Variants in ISM1 observed in about 807,000 individuals in gnomAD.
ISM1 encodes isthmin-1.
A neutral mutation model predicts 46.3 loss-of-function variants in ISM1; 25 were observed. That is an observed-to-expected ratio of 0.54 (90% CI 0.39 to 0.75). The LOEUF (loss-of-function observed/expected upper bound fraction) is 0.75. Among genes scored for constraint, ISM1 ranks in the 30% least tolerant of loss-of-function variants. The probability of loss-of-function intolerance (pLI) is 0.00; values close to 1 mark genes in which losing one functional copy is unlikely to be tolerated. For synonymous variants in ISM1, 255 were observed against 256.7 expected (o/e 0.99, Z 0.06); for missense variants, 536 against 625.4 (o/e 0.86, Z 1.52).
Position 13,298,982 on chromosome 20 carries a change from G to A in ISM1, c.918G>A (p.Glu306=). ...AGCGCTGGATGAGCTGCAAAAGCGAGTTCTTAAAGAAGTACATGCACAAGG... is the reference window on the plus strand; with the variant it reads ...AGCGCTGGATGAGCTGCAAAAGCGAATTCTTAAAGAAGTACATGCACAAGG... ...SCERWMSCKS[E]FLKKYMHKVM... The change falls in exon 6 of 6, where the codon GAG becomes GAA. Residue 306 remains glutamate (E), a synonymous_variant. Transcript: ENST00000262487. 6.2e-7 allele frequency: 1 copy of A among 1,613,608 alleles called. No homozygotes were observed. Among genetic ancestry groups the A allele is most frequent in the Non-Finnish European group, 8.5e-7 (1 of 1,179,770 alleles).
At chr20:13,241,092 T>C (rs970212313) in intron 1 of ISM1, among the ~76,000 whole-genome samples, 1 of 152,092 alleles carries the variant, frequency 6.6e-6, no homozygotes, top group African/African-American at 2.4e-5. Context: ...TATCGAATGC[T>C]GCTGTGAGAA....
chr20:13,239,637 C>G (rs955158691), intron 1 of ISM1: 1 of 152,166 alleles, frequency 6.6e-6, no homozygotes, highest in African/African-American at 2.4e-5. Flanking sequence ...CAGGTTGGAC[C>G]GGGGCTTCAT....
intron 4 of ISM1, 150 bp downstream of exon 4, chr20:13,288,833 G>A (rs2040322306): frequency 2.7e-6 from 2 of 745,128 alleles, no homozygotes; most frequent in South Asian, 1.9e-5. Flanking sequence ...CGCCCAGGCT[G>A]GAGTGCAGTG....
chr20:13,303,650 T>C (rs2040476981), downstream of ISM1, among the ~76,000 whole-genome samples: 1 of 152,226 alleles, frequency 6.6e-6, no homozygotes, highest in Non-Finnish European at 1.5e-5. Flanking sequence ...CAATCCTGAC[T>C]CTCTCACTTG....
At chr20:13,227,396 G>C (rs1341095036) in intron 1 of ISM1, among the ~76,000 whole-genome samples, 2 of 151,522 alleles carry the variant, frequency 1.3e-5, no homozygotes, top group East Asian at 3.9e-4. Flanking sequence ...GTGGAGACAG[G>C]GTTTCACCGT....
chr20:13,271,067 T>C (rs1297770217), intron 2 of ISM1, among the ~76,000 whole-genome samples: 1 of 152,084 alleles, frequency 6.6e-6, no homozygotes, highest in African/African-American at 2.4e-5. Context: ...TAGTCTGAAA[T>C]ATAAAAACAA....
At chr20:13,279,186 G>A (rs912570577) in intron 2 of ISM1, among the ~76,000 whole-genome samples, 1 of 152,098 alleles carries the variant, frequency 6.6e-6, no homozygotes, top group Non-Finnish European at 1.5e-5. Flanking sequence ...CAGAGTTTGT[G>A]TTCATAAATG....
At chr20:13,301,766 A>G (rs867640999), downstream of ISM1, among the ~76,000 whole-genome samples, 46 of 152,072 alleles carry the variant, frequency 3.0e-4, no homozygotes, top group African/African-American at 1.1e-3. Context: ...TCCTGTCAGG[A>G]CAGGTATTCA....
chr20:13,298,990 A>G lies in ISM1; in HGVS notation c.926A>G (p.Lys309Arg). The G allele has an allele frequency of 6.2e-7, 1 of 1,613,628 alleles. No homozygotes were observed. The highest frequency in any genetic ancestry group is 8.5e-7 in the Non-Finnish European group (1 of 1,179,786). ...ATGAGCTGCAAAAGCGAGTTCTTAA[A>G]GAAGTACATGCACAAGGTGATGAAT... ...RWMSCKSEFL[K>R]KYMHKVMNDL... The change falls in exon 6 of 6, where the codon AAG becomes AGG. Residue 309 changes from lysine to arginine, a missense_variant. Around this residue, in one of 2 missense-constraint regions of ISM1, gnomAD observed 169 missense variants for 249.3 expected, o/e 0.68. Transcript: ENST00000262487.
chr20:13,292,669 G>T (rs945340385), intron 5 of ISM1, among the ~76,000 whole-genome samples: 7 of 152,124 alleles, frequency 4.6e-5, no homozygotes, highest in African/African-American at 1.7e-4. Flanking sequence ...GAGCGCTTCT[G>T]TGTTCACTCT....
chr20:13,263,638 C>T (rs1450662116), intron 1 of ISM1, among the ~76,000 whole-genome samples: 2 of 152,096 alleles, frequency 1.3e-5, no homozygotes, highest in African/African-American at 2.4e-5. Flanking sequence ...AATCGATGCT[C>T]GGCACAGATA....
chr20:13,293,444 C>G (rs149942913), intron 5 of ISM1, among the ~76,000 whole-genome samples: 199 of 151,854 alleles, frequency 1.3e-3, no homozygotes, highest in African/African-American at 4.6e-3. Context: ...CCCAAAAGTT[C>G]TTACTTAGCC....
At chr20:13,247,550 G>A (rs1199122690) in intron 1 of ISM1, among the ~76,000 whole-genome samples, 2 of 151,724 alleles carry the variant, frequency 1.3e-5, no homozygotes, top group African/African-American at 4.8e-5. Flanking sequence ...GTGTGTGTGT[G>A]TGTGTGTGTA....
At chr20:13,286,902 G>A (rs780332085) in intron 3 of ISM1, among the ~76,000 whole-genome samples, 22 of 152,228 alleles carry the variant, frequency 1.4e-4, no homozygotes, top group Non-Finnish European at 1.3e-4. Context: ...TTAGCTCCAC[G>A]CTTGGCAGCA....
At chr20:13,315,111 A>T in the ISM1 span, among the ~76,000 whole-genome samples, 1 of 149,274 alleles carries the variant, frequency 6.7e-6, no homozygotes, top group Non-Finnish European at 1.5e-5. Flanking sequence ...AAGGCAGAAA[A>T]AGAATGGAAG....
At chr20:13,323,415 G>A in the ISM1 span, among the ~76,000 whole-genome samples, 2,344 of 152,288 alleles carry the variant, frequency 0.015, 57 homozygotes, top group African/African-American at 0.053. Flanking sequence ...CTATTGAACC[G>A]TGGTTCCCAT....
the ISM1 span, among the ~76,000 whole-genome samples, chr20:13,314,745 T>C: frequency 6.6e-6 from 1 of 152,116 alleles, no homozygotes; most frequent in East Asian, 1.9e-4. Context: ...TTTTTCTCTT[T>C]CTTGATTGAT....
chr20:13,305,633 G>A (rs140284536), downstream of ISM1, among the ~76,000 whole-genome samples: 4 of 152,266 alleles, frequency 2.6e-5, no homozygotes, highest in East Asian at 7.7e-4. Context: ...ATGTCTACAG[G>A]TCCTGCATAC....
In ISM1 at chr20:13,265,852, TG is replaced by T. The variant is rs150688246; in HGVS notation, c.139-4650del. ...ATTAATGATAACAGTAAAAGACATA[TG>T]GAGGTCACCATTCCAGGACCAGCGT... On this transcript the variant is annotated intron_variant, in intron 1 of 5. Coordinates refer to ENST00000262487, the MANE Select transcript of ISM1 (RefSeq NM_080826.2). 4.0e-3 allele frequency among the ~76,000 whole-genome samples: 602 copies of T among 152,224 alleles called. 6 individuals carry two copies. The highest frequency in any genetic ancestry group is 0.013 in the African/African-American group (545 of 41,528).
Sources: gnomAD v4.1 joint callset for allele counts (sites outside exome capture counted in the v4.1 genomes callset) on GRCh38, gnomAD v4.1.1 for gene constraint, gnomAD v4.1.1 regional missense constraint, MANE v1.5 for transcripts, NCBI Gene and HGNC (gene_info 2026-07-23, HGNC 2026-07-21) for gene names.